Variants in SCN1A observed in about 807,000 individuals in gnomAD.
SCN1A encodes sodium voltage-gated channel alpha subunit 1, also known as sodium channel protein type 1 subunit alpha.
In SCN1A, 13 loss-of-function variants were observed where a neutral mutation model predicts 193.7. The observed-to-expected ratio is 0.07, with a 90% CI of 0.04 to 0.11. The LOEUF (loss-of-function observed/expected upper bound fraction) is 0.11, where lower values mean the gene tolerates loss of function less well. SCN1A is among the 10% of genes least tolerant of loss of function. SCN1A has a pLI of 1.00. For missense variants in SCN1A, 1,432 were observed against 2,451.1 expected, an observed-to-expected ratio of 0.58 and a Z score of 8.78; for synonymous variants, 781 against 843.6, an observed-to-expected ratio of 0.93 and a Z score of 1.29.
chr2:166,089,268 G>T (rs1158380280), intron 2 of SCN1A, among the ~76,000 whole-genome samples: 1 of 151,646 alleles, frequency 6.6e-6, no homozygotes, highest in East Asian at 1.9e-4. Flanking sequence ...ATTATTCATT[G>T]TTTATCTGAA....
intron 19 of SCN1A, among the ~76,000 whole-genome samples, chr2:166,023,200 G>A (rs1467059194): frequency 6.6e-6 from 1 of 152,210 alleles, no homozygotes; most frequent in East Asian, 1.9e-4. Context: ...TATGGAGTAA[G>A]TAGATGATGT....
intron 2 of SCN1A, among the ~76,000 whole-genome samples, chr2:166,123,223 CAAAAAAAAAAAAA>C (rs57488795): frequency 8.7e-4 from 101 of 116,348 alleles, no homozygotes; most frequent in South Asian, 1.1e-3. Context: ...CATTCATTTG[CAAAAAAAAAAAAA>C]AAAAAAAAAA....
intron 18 of SCN1A, among the ~76,000 whole-genome samples, chr2:166,036,931 A>G (rs910830929): frequency 3.3e-5 from 5 of 152,196 alleles, no homozygotes; most frequent in Non-Finnish European, 5.9e-5. Flanking sequence ...AAGATATTAA[A>G]TTGGATGTCA....
chr2:166,026,679 CTTTTTTTT>C (rs35750460), intron 19 of SCN1A, among the ~76,000 whole-genome samples: 2,911 of 97,754 alleles, frequency 0.03, 38 homozygotes, highest in Non-Finnish European at 0.039. Flanking sequence ...TTCTTTCTTT[CTTTTTTTT>C]TTTTTTTTTT....
chr2:166,023,635 G>A (rs1388624180), intron 19 of SCN1A, among the ~76,000 whole-genome samples: 1 of 152,086 alleles, frequency 6.6e-6, no homozygotes, highest in Non-Finnish European at 1.5e-5. Flanking sequence ...AGGAGAAAAG[G>A]ATGAGGAAGT....
At chr2:166,121,916 C>A (rs1267465752) in intron 2 of SCN1A, among the ~76,000 whole-genome samples, 1 of 152,036 alleles carries the variant, frequency 6.6e-6, no homozygotes, top group Non-Finnish European at 1.5e-5. Flanking sequence ...AACCACAATC[C>A]AATATGACTT....
intron 4 of SCN1A, among the ~76,000 whole-genome samples, chr2:166,059,183 T>G (rs923559459): frequency 6.6e-6 from 1 of 152,116 alleles, no homozygotes; most frequent in Non-Finnish European, 1.5e-5. Flanking sequence ...AAATAAACAT[T>G]ATCACTCTCT....
intron 2 of SCN1A, among the ~76,000 whole-genome samples, chr2:166,123,897 C>T (rs1690924000): frequency 1.3e-5 from 2 of 152,164 alleles, no homozygotes; most frequent in South Asian, 4.1e-4. Context: ...CAGGATCACC[C>T]ACAAGGTTTG....
intron 22 of SCN1A, 24 bp from the exon 23 acceptor site, chr2:166,009,865 A>G: frequency 1.9e-6 from 3 of 1,600,898 alleles, no homozygotes; most frequent in Non-Finnish European, 2.6e-6. Context: ...AATAATAACA[A>G]TTAATAAACA....
chr2:166,004,856 C>A (rs1254708142), intron 23 of SCN1A, among the ~76,000 whole-genome samples: 1 of 151,444 alleles, frequency 6.6e-6, no homozygotes, highest in Non-Finnish European at 1.5e-5. Flanking sequence ...TTCATGGAGC[C>A]TAACTTTGTC....
intron 2 of SCN1A, among the ~76,000 whole-genome samples, chr2:166,090,797 A>G (rs1485739046): frequency 1.3e-5 from 2 of 152,256 alleles, no homozygotes; most frequent in Non-Finnish European, 2.9e-5. Flanking sequence ...GCAAACTCTT[A>G]AAACATATTC....
intron 4 of SCN1A, among the ~76,000 whole-genome samples, 164 bp from the exon 5 acceptor site, chr2:166,058,852 T>C (rs1682976519): frequency 1.3e-5 from 2 of 152,128 alleles, no homozygotes; most frequent in Admixed American, 1.3e-4. Context: ...TCACTGGATC[T>C]CTTCTTAATT....
intron 19 of SCN1A, among the ~76,000 whole-genome samples, chr2:166,033,959 G>T (rs944859519): frequency 8.9e-6 from 1 of 112,334 alleles, no homozygotes; most frequent in South Asian, 3.1e-4. Flanking sequence ...TTTAACAGAA[G>T]TTCAGAAACA....
chr2:166,025,174 C>G (rs1694595072), intron 19 of SCN1A, among the ~76,000 whole-genome samples: 1 of 152,126 alleles, frequency 6.6e-6, no homozygotes, highest in South Asian at 2.1e-4. Context: ...GTTGGATTCT[C>G]TGCTCAGGGT....
chr2:166,045,080 C>A lies in SCN1A; in HGVS notation c.1625G>T (p.Arg542Leu). ...GGAGTACCTCTTTTCATATGTCAATCGGTTCCCTTCAATGGAGAAGCGAAA... is the reference window on the plus strand; with the variant it reads ...GGAGTACCTCTTTTCATATGTCAATAGGTTCCCTTCAATGGAGAAGCGAAA... ...KGFRFSIEGNRLTYEKRYSSP... is the reference protein window; with the variant it reads ...KGFRFSIEGNLLTYEKRYSSP... Residue 542 changes from arginine to leucine, a missense_variant, in exon 13 of 29, where the codon CGA becomes CTA. By Grantham distance (102) the Arg-to-Leu change is moderately radical. Transcript: ENST00000674923. The A allele has an allele frequency of 6.2e-7, 1 of 1,614,158 alleles. No homozygotes were observed. Among genetic ancestry groups the A allele is most frequent in the Non-Finnish European group, 8.5e-7 (1 of 1,180,014 alleles).
intron 27 of SCN1A, among the ~76,000 whole-genome samples, chr2:165,995,411 A>G (rs1689887497): frequency 6.6e-6 from 1 of 151,798 alleles, no homozygotes; most frequent in African/African-American, 2.4e-5. Context: ...TGTTTATTTC[A>G]TCATGGAAGC....
chr2:166,111,445 A>AT (rs1204240969), intron 2 of SCN1A, among the ~76,000 whole-genome samples: 1 of 152,126 alleles, frequency 6.6e-6, no homozygotes, highest in Non-Finnish European at 1.5e-5. Context: ...CTCAGAAAAA[A>AT]AAAAAAGATT....
chr2:166,025,354 G>A (rs919993067), intron 19 of SCN1A, among the ~76,000 whole-genome samples: 14 of 152,110 alleles, frequency 9.2e-5, no homozygotes, highest in Non-Finnish European at 1.3e-4. Context: ...GCAACTAGAG[G>A]CCACCCATAG....
At chr2:166,062,120 A>G (rs1015983995) in intron 4 of SCN1A, among the ~76,000 whole-genome samples, 1 of 152,134 alleles carries the variant, frequency 6.6e-6, no homozygotes, top group Admixed American at 6.5e-5. Flanking sequence ...GGAAGCTAAC[A>G]ATAAGGCCAA....
Sources: gnomAD v4.1 joint callset for allele counts (sites outside exome capture counted in the v4.1 genomes callset) on GRCh38, gnomAD v4.1.1 for gene constraint, MANE v1.5 for transcripts, NCBI Gene and HGNC (gene_info 2026-07-23, HGNC 2026-07-21) for gene names.